CD300A: variants seen among roughly 807,000 people sequenced by gnomAD.
CD300A encodes CMRF35-like molecule 8.
CD300A carries 22 observed loss-of-function variants against 33.6 expected under a neutral mutation model. That is an observed-to-expected ratio of 0.66 (90% CI 0.47 to 0.94). The LOEUF is 0.94. CD300A is among the 40% of genes least tolerant of loss of function. CD300A has a pLI of 0.00. For missense variants in CD300A, 326 were observed against 360.5 expected (o/e 0.90, Z 0.77); for synonymous variants, 136 against 148.1 (o/e 0.92, Z 0.59).
intron 1 of CD300A, among the ~76,000 whole-genome samples, chr17:74,472,814 C>T (rs562697353): frequency 2.9e-4 from 44 of 152,040 alleles, no homozygotes; most frequent in Non-Finnish European, 4.3e-4. Context: ...TTCACCATGT[C>T]GGCCAGGCTA....
At chr17:74,479,760 C>A (rs781360072) in intron 4 of CD300A, among the ~76,000 whole-genome samples, 2 of 152,096 alleles carry the variant, frequency 1.3e-5, no homozygotes, top group Non-Finnish European at 2.9e-5. Flanking sequence ...AAGTCCGTGC[C>A]CCATCCCCTG....
intron 6 of CD300A, 94 bp downstream of exon 6, chr17:74,481,927 C>T (rs937846075): frequency 9.3e-6 from 8 of 855,978 alleles, no homozygotes; most frequent in Admixed American, 4.4e-5. Flanking sequence ...AAGGGGTCGG[C>T]TTGGTGATCT....
At position 74,468,045 on chromosome 17, in the gene CD300A, ATTTT is replaced by A. The variant is rs1555636728; in HGVS notation, c.40+1305_40+1308del. Among the ~76,000 whole-genome samples the A allele has an allele frequency of 1.7e-4, 22 of 132,980 alleles. No individual in the cohort carries two copies. In the South Asian group the frequency reaches 3.2e-3, roughly 19 times the overall value. The allele number at this position is 132,980 out of a possible 152,430, so 87.2% of individuals were successfully genotyped here. On this transcript the variant is annotated intron_variant, in intron 1 of 6. Coordinates refer to ENST00000360141, the MANE Select transcript of CD300A (RefSeq NM_007261.4). ...TATTTATTTATTTATTTATTTATTT[ATTTT>A]TTGAGATGGAGTTTTGCTCTTGTTG...
In CD300A at chr17:74,474,798, C is replaced by T. The variant is rs529003587; in HGVS notation, c.533+113C>T. 1.6e-4 allele frequency: 188 copies of T among 1,175,308 alleles called. 1 individual carries two copies. The highest frequency in any genetic ancestry group is 2.1e-4 in the Non-Finnish European group (180 of 851,020). The allele number at this position is 1,175,308 out of a possible 1,614,324, so 72.8% of individuals were successfully genotyped here. ...GGAGGTGTGCATCGCTCCCTTTGCC[C>T]CAGGCCCAGGTTGGAAGCCATAGTC... On this transcript the variant is annotated intron_variant, in intron 3 of 6. Coordinates refer to ENST00000360141, the MANE Select transcript of CD300A (RefSeq NM_007261.4).
chr17:74,471,446 G>T (rs1254199982), intron 1 of CD300A, among the ~76,000 whole-genome samples: 6 of 152,102 alleles, frequency 3.9e-5, no homozygotes, highest in Non-Finnish European at 8.8e-5. Flanking sequence ...TATTTACCAG[G>T]CATTTTATAC....
At position 74,480,739 on chromosome 17, in the gene CD300A, CTTT is replaced by C. The variant is rs1906783430; in HGVS notation, c.629-549_629-547del. The stretch of plus-strand genomic sequence containing the variant: ...CTCCTCCAGCTGGGAGCTTTCTTTC[CTTT>C]CTTTCTTTCTTTTTTTCGTTTTTGA... On this transcript the variant is annotated intron_variant, in intron 4 of 6. Transcript: ENST00000360141. The surrounding 1 kb of genome is among the most constrained non-coding windows in gnomAD (Gnocchi z 4.2). 3.0e-5 allele frequency among the ~76,000 whole-genome samples: 2 copies of C among 66,762 alleles called. No homozygotes were observed. Among genetic ancestry groups the C allele is most frequent in the Admixed American group, 5.1e-4 (2 of 3,930 alleles). The allele number at this position is 66,762 out of a possible 152,430, so 43.8% of individuals were successfully genotyped here.
intron 1 of CD300A, chr17:74,470,229 T>G (rs1906005254): frequency 2.0e-6 from 2 of 985,410 alleles, no homozygotes; most frequent in African/African-American, 3.5e-5. Context: ...TGGGGATCCA[T>G]GTGATCGTTC....
At chr17:74,467,999 G>A (rs185897559) in intron 1 of CD300A, among the ~76,000 whole-genome samples, 4 of 136,528 alleles carry the variant, frequency 2.9e-5, no homozygotes, top group African/African-American at 8.5e-5. Context: ...TATTCACAAA[G>A]CATTTTTACT....
rs533325545 is a variant in CD300A, at chr17:74,477,412, C to T, written c.534-24C>T. 62 of 1,580,570 alleles carry T rather than the reference C, an allele frequency of 3.9e-5. No individual in the cohort carries two copies. The African/African-American group carries it at 7.2e-4, about 18-fold the overall frequency. On this transcript the variant is annotated intron_variant, in intron 3 of 6. Transcript: ENST00000360141. ...TTGGAGAAGGCAAGTTGGCCCCGCC[C>T]TTACCATCCTGTGCCTCCTCCAGGC...
At chr17:74,476,071 TG>T (rs1326734952) in intron 3 of CD300A, among the ~76,000 whole-genome samples, 7 of 152,194 alleles carry the variant, frequency 4.6e-5, no homozygotes, top group Non-Finnish European at 7.3e-5. Flanking sequence ...CTCCAAGCTT[TG>T]GTGTCCAGAG....
intron 6 of CD300A, among the ~76,000 whole-genome samples, chr17:74,482,732 T>TCCTTTCCTTCCTTCCTTCC (rs1555639394): frequency 1.5e-5 from 2 of 133,044 alleles, no homozygotes; most frequent in African/African-American, 7.7e-5. Flanking sequence ...CTTTCTTTCT[T>TCCTTTCCTTCCTTCCTTCC]TGGAATCTCG....
At chr17:74,483,621 T>G (rs1907063521) in intron 6 of CD300A, among the ~76,000 whole-genome samples, 1 of 152,164 alleles carries the variant, frequency 6.6e-6, no homozygotes, top group Non-Finnish European at 1.5e-5. Flanking sequence ...CCTCCCAAAG[T>G]GCTGGGATTA....
Position 74,484,148 on chromosome 17 carries a change from C to T in CD300A, c.*22C>T, listed in dbSNP as rs761826750. On this transcript the variant is annotated 3_prime_UTR_variant, in exon 7 of 7. Transcript: ENST00000360141. ...ATAGGCTTTTGTCCTGCCTCGCCAT[C>T]GGAGCTCTCATGGGCCCCAGGAAGT... is the stretch of plus-strand genomic sequence containing the variant. 6 of 1,611,500 alleles carry T rather than the reference C, an allele frequency of 3.7e-6. No individual in the cohort carries two copies. Among genetic ancestry groups the T allele is most frequent in the East Asian group, 2.2e-5 (1 of 44,830 alleles).
At chr17:74,477,008 G>A (rs902367992) in intron 3 of CD300A, among the ~76,000 whole-genome samples, 1 of 151,940 alleles carries the variant, frequency 6.6e-6, no homozygotes, top group South Asian at 2.1e-4. Flanking sequence ...TAAATGGGGG[G>A]TGTGTAGAAA....
At position 74,477,420 on chromosome 17, in the gene CD300A, C is replaced by T. The variant is rs775802152; in HGVS notation, c.534-16C>T. On this transcript the variant is annotated splice_polypyrimidine_tract_variant and intron_variant, in intron 3 of 6. Transcript: ENST00000360141. Reference sequence around the variant, plus strand: ...GGCAAGTTGGCCCCGCCCTTACCATCCTGTGCCTCCTCCAGGCTCCCGCTG... The same window carrying T: ...GGCAAGTTGGCCCCGCCCTTACCATTCTGTGCCTCCTCCAGGCTCCCGCTG... The T allele has an allele frequency of 6.2e-7, 1 of 1,604,296 alleles. No homozygotes were observed. Among genetic ancestry groups the T allele is most frequent in the Non-Finnish European group, 8.5e-7 (1 of 1,171,684 alleles).
rs2144514059 is a variant in CD300A, at chr17:74,473,619, C to T, written c.124C>T (p.His42Tyr). ...TGTGCAGTGTCCCTATGAGAAGGAA[C>T]ACAGGACCCTCAACAAATACTGGTG... ...LSVQCPYEKE[H>Y]RTLNKYWCRP... The change falls in exon 2 of 7, where the codon CAC becomes TAC. Residue 42 changes from histidine to tyrosine, a missense_variant. His to Tyr is a moderately conservative substitution (Grantham distance 83, BLOSUM62 2). Coordinates refer to ENST00000360141, the MANE Select transcript of CD300A (RefSeq NM_007261.4). 6.2e-7 allele frequency: 1 copy of T among 1,614,222 alleles called. No homozygotes were observed. Among genetic ancestry groups the T allele is most frequent in the Admixed American group, 1.7e-5 (1 of 60,030 alleles).
At chr17:74,475,765 T>A (rs1403456305) in intron 3 of CD300A, among the ~76,000 whole-genome samples, 1 of 152,162 alleles carries the variant, frequency 6.6e-6, no homozygotes, top group Non-Finnish European at 1.5e-5. Context: ...CAGTCGAACT[T>A]TGGGGATCCC....
rs1451996228 is a variant in CD300A, at chr17:74,475,927, G to A, written c.533+1242G>A. Among the ~76,000 whole-genome samples, 5 of 150,176 alleles carry A rather than the reference G, an allele frequency of 3.3e-5. No individual in the cohort carries two copies. The East Asian group carries it at 9.8e-4, about 29-fold the overall frequency. ...GGATAAAGGATAAAGATTAGGACCA[G>A]CCAATGCAGAGACACATAGGACAAG... On this transcript the variant is annotated intron_variant, in intron 3 of 6. Transcript: ENST00000360141.
At chr17:74,472,815 G>A (rs572864301) in intron 1 of CD300A, among the ~76,000 whole-genome samples, 18 of 152,120 alleles carry the variant, frequency 1.2e-4, no homozygotes, top group Admixed American at 3.3e-4. Flanking sequence ...TCACCATGTC[G>A]GCCAGGCTAG....
Sources: gnomAD v4.1 joint callset for allele counts (sites outside exome capture counted in the v4.1 genomes callset) on GRCh38, gnomAD v4.1.1 for gene constraint, Gnocchi (gnomAD v3.1) non-coding constraint, MANE v1.5 for transcripts, NCBI Gene and HGNC (gene_info 2026-07-23, HGNC 2026-07-21) for gene names.